The following GTF2F2 variants were observed in gnomAD, a reference collection of about 807,000 sequenced individuals.
GTF2F2 encodes the protein ATP-dependent helicase GTF2F2.
GTF2F2 carries 23 observed loss-of-function variants against 42.2 expected under a neutral mutation model. The ratio of observed to expected loss-of-function variants is 0.55; its 90% confidence interval spans 0.39 to 0.77. The LOEUF is 0.77. Among genes scored for constraint, GTF2F2 ranks in the 30% least tolerant of loss-of-function variants. The pLI is 0.00. For synonymous variants in GTF2F2, 105 were observed against 100.8 expected (o/e 1.04, Z -0.25); for missense variants, 261 against 287.2 (o/e 0.91, Z 0.66).
At chr13:45,141,783 G>A (rs1869939644) in intron 2 of GTF2F2, among the ~76,000 whole-genome samples, 1 of 151,942 alleles carries the variant, frequency 6.6e-6, no homozygotes, top group Non-Finnish European at 1.5e-5. Context: ...GTAACTGCTT[G>A]GTATGTAAGC....
chr13:45,120,943 C>G (rs1868598855), intron 1 of GTF2F2, among the ~76,000 whole-genome samples: 1 of 152,116 alleles, frequency 6.6e-6, no homozygotes, highest in Admixed American at 6.5e-5. Flanking sequence ...TCTGAATCTG[C>G]CTGGACTAGA....
At chr13:45,219,746 C>G (rs897019581) in intron 5 of GTF2F2, 1 of 152,170 alleles carries the variant, frequency 6.6e-6, no homozygotes, top group Admixed American at 6.5e-5. Flanking sequence ...ATCTGCTAAT[C>G]TATAATGTAC....
At chr13:45,208,900 C>T (rs6561210) in intron 5 of GTF2F2, among the ~76,000 whole-genome samples, 54,423 of 151,998 alleles carry the variant, frequency 0.36, 13,504 homozygotes, top group African/African-American at 0.71. Flanking sequence ...GCTTATAAAA[C>T]TTATTGTATA....
chr13:45,218,905 A>G (rs1015705237), intron 5 of GTF2F2, among the ~76,000 whole-genome samples: 12 of 152,208 alleles, frequency 7.9e-5, no homozygotes, highest in Non-Finnish European at 1.0e-4. Flanking sequence ...GTTACATTCT[A>G]TCTGTCTTGC....
chr13:45,155,695 T>C (rs1053984435), intron 4 of GTF2F2, among the ~76,000 whole-genome samples: 1 of 152,212 alleles, frequency 6.6e-6, no homozygotes, highest in African/African-American at 2.4e-5. Context: ...TATATTTTAT[T>C]TTTATGGGCT....
rs139783440 is a variant in GTF2F2, at chr13:45,262,127, T to TTTAGGATG, written c.487-5104_487-5097dup. 3.3e-3 allele frequency among the ~76,000 whole-genome samples: 498 copies of TTTAGGATG among 152,280 alleles called. 5 individuals are homozygous for TTTAGGATG. In the East Asian group the frequency reaches 0.055, roughly 17 times the overall value. Reference sequence around the variant, plus strand: ...TGGCTCATGCCTGTAATTCCAGCACTTTAGGATGTCAAGGTTAGAAGATCA... The same window carrying TTTAGGATG: ...TGGCTCATGCCTGTAATTCCAGCACTTTAGGATGTTAGGATGTCAAGGTTAGAAGATCA... On this transcript the variant is annotated intron_variant, in intron 6 of 7. Transcript: ENST00000340473.
rs201677715 is a variant in GTF2F2 at position 45,267,391 on chromosome 13, A to G, written c.630+15A>G. ...AGCAACCTGTGGTATGTATATGTTC[A>G]TACTGATCCTTTGAATATGCCCTCC... is the stretch of plus-strand genomic sequence containing the variant. On this transcript the variant is annotated intron_variant, in intron 7 of 7. Transcript: ENST00000340473. 3,493 of 1,533,228 alleles carry G rather than the reference A, an allele frequency of 2.3e-3. 9 individuals carry two copies. The highest frequency in any genetic ancestry group is 2.9e-3 in the Non-Finnish European group (3,305 of 1,129,998). 95.0% of individuals were successfully genotyped at this position (1,533,228 alleles called of 1,614,324 possible).
chr13:45,216,329 G>A (rs75319964), intron 5 of GTF2F2, among the ~76,000 whole-genome samples: 2 of 152,262 alleles, frequency 1.3e-5, no homozygotes, highest in East Asian at 3.9e-4. Context: ...GATAGGGGGA[G>A]TGAAGGAGTT....
At chr13:45,205,581 A>G (rs9595258) in intron 4 of GTF2F2, among the ~76,000 whole-genome samples, 15,906 of 152,194 alleles carry the variant, frequency 0.1, 2,230 homozygotes, top group African/African-American at 0.32. Context: ...GTGCAGTGGC[A>G]CTATCTTGGC....
chr13:45,123,737 T>C (rs899526112), intron 1 of GTF2F2, among the ~76,000 whole-genome samples: 2 of 151,374 alleles, frequency 1.3e-5, no homozygotes, highest in Non-Finnish European at 2.9e-5. Context: ...AATAACAAAA[T>C]ATCCAGGACC....
rs555494444 is a variant in GTF2F2, at chr13:45,250,547, C to G, written c.387-2324C>G. Among the ~76,000 whole-genome samples, 5 of 152,288 alleles carry G rather than the reference C, an allele frequency of 3.3e-5. No individual in the cohort carries two copies. In the South Asian group the frequency reaches 1.0e-3, roughly 32 times the overall value. On this transcript the variant is annotated intron_variant, in intron 5 of 7. Coordinates refer to ENST00000340473, the MANE Select transcript of GTF2F2 (RefSeq NM_004128.3). ...AGAGCAAGTCTTTACTGCTATGTCTCCAACCTCTAACCCAGTGCCTGGCAG... is the reference window on the plus strand; with the variant it reads ...AGAGCAAGTCTTTACTGCTATGTCTGCAACCTCTAACCCAGTGCCTGGCAG...
chr13:45,131,897 C>CA (rs765260379), intron 1 of GTF2F2, among the ~76,000 whole-genome samples: 9,292 of 52,450 alleles, frequency 0.18, 886 homozygotes, highest in Non-Finnish European at 0.23. Flanking sequence ...GACCCTGTCT[C>CA]AAAAAAAAAA....
chr13:45,273,276 A>G (rs974494588), intron 7 of GTF2F2, among the ~76,000 whole-genome samples: 2 of 151,612 alleles, frequency 1.3e-5, no homozygotes, highest in African/African-American at 4.9e-5. Context: ...GGATCTTACT[A>G]TGTTGCTTGC....
At chr13:45,143,361 G>A (rs1870026574) in intron 2 of GTF2F2, among the ~76,000 whole-genome samples, 1 of 152,166 alleles carries the variant, frequency 6.6e-6, no homozygotes, top group Non-Finnish European at 1.5e-5. Flanking sequence ...GTATGGACCT[G>A]GGAATTAGCC....
intron 4 of GTF2F2, among the ~76,000 whole-genome samples, chr13:45,180,448 G>A (rs1182633274): frequency 6.6e-6 from 1 of 152,122 alleles, no homozygotes; most frequent in East Asian, 1.9e-4. Flanking sequence ...GTATGTGTGT[G>A]TATGTATGTG....
At chr13:45,127,492 A>ATTTTTTTTTT (rs34519885) in intron 1 of GTF2F2, among the ~76,000 whole-genome samples, 1 of 137,470 alleles carries the variant, frequency 7.3e-6, no homozygotes, top group Non-Finnish European at 1.6e-5. Flanking sequence ...CGCCCAACTA[A>ATTTTTTTTTT]TTTTTTTTTT....
chr13:45,228,019 G>C (rs1477806087), intron 5 of GTF2F2, among the ~76,000 whole-genome samples: 1 of 152,114 alleles, frequency 6.6e-6, no homozygotes, highest in African/African-American at 2.4e-5. Flanking sequence ...TTGGTTGCTA[G>C]TCTGTCTTGC....
chr13:45,199,455 C>CCAA (rs1873066911), intron 4 of GTF2F2, among the ~76,000 whole-genome samples: 1 of 152,100 alleles, frequency 6.6e-6, no homozygotes, highest in African/African-American at 2.4e-5. Context: ...ATGAGTATTT[C>CCAA]AGGGAAACCT....
intron 7 of GTF2F2, 118 bp downstream of exon 7, chr13:45,267,494 G>C: frequency 1.5e-6 from 1 of 652,690 alleles, no homozygotes; most frequent in Non-Finnish European, 2.5e-6. Context: ...CTAATTTTAT[G>C]ACAACACTCA....
Sources: allele counts gnomAD v4.1 joint callset (sites outside exome capture counted in the v4.1 genomes callset), GRCh38; gene constraint gnomAD v4.1.1; transcripts MANE v1.5; gene names NCBI Gene and HGNC (gene_info 2026-07-23, HGNC 2026-07-21).